Variants in GFAP observed in about 807,000 individuals in gnomAD.
The protein encoded by GFAP is glial fibrillary acidic protein, also known as intermediate filament protein.
GFAP carries 38 observed loss-of-function variants against 49.3 expected under a neutral mutation model. The ratio of observed to expected loss-of-function variants is 0.77; its 90% CI spans 0.60 to 1.01. The LOEUF is 1.01. Among genes scored for constraint, GFAP ranks in the 50% least tolerant of loss-of-function variants. The probability of loss-of-function intolerance (pLI) is 0.00; values close to 1 mark genes in which losing one functional copy is unlikely to be tolerated. For missense variants in GFAP, 463 were observed against 579.1 expected, an observed-to-expected ratio of 0.80 and a Z score of 2.06; for synonymous variants, 222 against 236.4, an observed-to-expected ratio of 0.94 and a Z score of 0.56.
chr17:44,915,398 C>T lies in GFAP; in HGVS notation c.89G>A (p.Arg30His), dbSNP rs373688797. The change falls in exon 1 of 9, where the codon CGT (arginine) becomes CAT (histidine). Residue 30 changes from arginine (R) to histidine (H), a missense_variant. By Grantham distance (29) the Arg-to-His change is conservative. Coordinates refer to ENST00000588735, the MANE Select transcript of GFAP (RefSeq NM_002055.5). The surrounding 1 kb of genome is among the most constrained non-coding windows in gnomAD (Gnocchi z 4.1). The part of the protein sequence containing the change: ...MMVGGLAPGR[R>H]LGPGTRLSLA... ...GGAGAGGCGGGTGCCAGGACCCAGACGGCGGCCAGGAGCCAGGCCCCCCAC... is the reference window on the plus strand; with the variant it reads ...GGAGAGGCGGGTGCCAGGACCCAGATGGCGGCCAGGAGCCAGGCCCCCCAC... 84 of 1,606,344 alleles carry T rather than the reference C, an allele frequency of 5.2e-5. No individual in the cohort carries two copies. Among genetic ancestry groups the T allele is most frequent in the African/African-American group, 3.9e-4 (29 of 74,944 alleles).
intron 4 of GFAP, 114 bp downstream of exon 4, chr17:44,913,155 C>T (rs1210005318): frequency 9.5e-7 from 1 of 1,051,262 alleles, no homozygotes; most frequent in Non-Finnish European, 1.5e-6. Flanking sequence ...TGGTGAAAGT[C>T]AGTCACCTGG....
In GFAP at chr17:44,913,785, C is replaced by T; in HGVS notation, c.561G>A (p.Glu187=). 2.5e-6 allele frequency: 4 copies of T among 1,614,216 alleles called. No homozygotes were observed. Among genetic ancestry groups the T allele is most frequent in the Non-Finnish European group, 2.5e-6 (3 of 1,180,018 alleles). ...CCTCCTCCAGCGACTCAATCTTCCT[C>T]TCCAGATCCAGACGGGCCAGGGTGG... The part of the protein sequence containing the change: ...DEATLARLDL[E]RKIESLEEEI... The change falls in exon 3 of 9, where the codon GAG becomes GAA. Residue 187 remains glutamate (E), a synonymous_variant. Transcript: ENST00000588735.
In GFAP at chr17:44,903,335, C is replaced by G; in HGVS notation, c.*4012G>C. 8.0e-7 allele frequency: 1 copy of G among 1,247,140 alleles called. No individual in the cohort carries two copies. The allele number at this position is 1,247,140 out of a possible 1,614,324, so 77.3% of individuals were successfully genotyped here. A position where few individuals can be genotyped will look rare whatever the true frequency, so the allele number is the denominator to read the frequency against. ...GACTCAGTTCTTGTGCAGGTTGGGCCTGGGAAAGTCCCAAGCCATCAGCTC... is the reference window on the plus strand; with the variant it reads ...GACTCAGTTCTTGTGCAGGTTGGGCGTGGGAAAGTCCCAAGCCATCAGCTC... On this transcript the variant is annotated 3_prime_UTR_variant, in exon 9 of 9. Transcript: ENST00000588735.
rs2051739578 is a variant in GFAP, at chr17:44,910,618, G to A, written c.1168C>T (p.Arg390Ter). ...CACGAGGCCCTGCTGTACTGACCTC[G>A]AATCTGCAGGTTGGAGAAGGTCTGC... ...PVQTFSNLQI[R>*]ETSLDTKSVS... The change falls in exon 7 of 9, where the codon CGA becomes TGA. Residue 390 changes from arginine (R) to a stop codon, truncating the protein, a stop_gained. Transcript: ENST00000588735. LOFTEE classifies it high-confidence loss of function. 8.9e-6 allele frequency: 14 copies of A among 1,579,558 alleles called. No individual in the cohort carries two copies. The highest frequency in any genetic ancestry group is 1.0e-5 in the Non-Finnish European group (12 of 1,162,244).
intron 7 of GFAP, chr17:44,910,403 A>G (rs2051732625): frequency 6.2e-7 from 1 of 1,600,412 alleles, no homozygotes; most frequent in Non-Finnish European, 8.5e-7. Flanking sequence ...AAGAGGGACC[A>G]GGGCCTAGCA....
rs1036170201 is a variant in GFAP, at chr17:44,907,219, G to A, written c.*128C>T. 1.1e-5 allele frequency: 9 copies of A among 856,824 alleles called. No homozygotes were observed. The highest frequency in any genetic ancestry group is 1.8e-5 in the Non-Finnish European group (9 of 506,716). 53.1% of individuals were successfully genotyped at this position (856,824 alleles called of 1,614,324 possible). On this transcript the variant is annotated 3_prime_UTR_variant, in exon 9 of 9. Coordinates refer to ENST00000588735, the MANE Select transcript of GFAP (RefSeq NM_002055.5). The stretch of plus-strand genomic sequence containing the variant: ...GCAAGCTGACCTAGGGACAGAGGAG[G>A]GAGGGGAGCAGCTGGGGTGGTGGGG...
chr17:44,913,374 G>A lies in GFAP; in HGVS notation c.675C>T (p.Asp225=), dbSNP rs146443487. Residue 225 remains aspartate, a synonymous_variant, in exon 4 of 9, where the codon GAC becomes GAT. Coordinates refer to ENST00000588735, the MANE Select transcript of GFAP (RefSeq NM_002055.5). ...LARQQVHVEL[D]VAKPDLTAAL... Reference sequence around the variant, plus strand: ...CTGCGGTGAGGTCTGGCTTGGCCACGTCAAGCTCCACATGGACCTGCTGTC... The same window carrying A: ...CTGCGGTGAGGTCTGGCTTGGCCACATCAAGCTCCACATGGACCTGCTGTC... 2.0e-4 allele frequency: 323 copies of A among 1,614,182 alleles called. 1 individual carries two copies. The African/African-American group carries it at 3.7e-3, about 18-fold the overall frequency.
chr17:44,911,215 G>T, intron 6 of GFAP, 21 bp downstream of exon 6: 1 of 1,606,018 alleles, frequency 6.2e-7, no homozygotes, highest in Non-Finnish European at 8.5e-7. Flanking sequence ...GACTTCCCCA[G>T]GGGCTGTGAT....
chr17:44,908,958 C>T (rs1180208365), intron 7 of GFAP: 1 of 151,172 alleles, frequency 6.6e-6, no homozygotes, highest in Middle Eastern at 3.4e-3. Context: ...AAAGATTAGC[C>T]AGGTGTGGTG....
intron 4 of GFAP, among the ~76,000 whole-genome samples, chr17:44,912,102 T>TTG (rs1259562525): frequency 9.0e-4 from 134 of 148,610 alleles, no homozygotes; most frequent in Middle Eastern, 3.6e-3. Context: ...CCTGGGTGTT[T>TTG]TGTGTGTTTT....
In GFAP at chr17:44,907,011, G is replaced by A. The variant is rs554420737; in HGVS notation, c.*336C>T. The A allele has an allele frequency of 2.8e-5, 12 of 428,160 alleles. No individual in the cohort carries two copies. The highest frequency in any genetic ancestry group is 2.4e-4 in the African/African-American group (12 of 50,132). The allele number at this position is 428,160 out of a possible 1,614,324, so 26.5% of individuals were successfully genotyped here. On this transcript the variant is annotated 3_prime_UTR_variant, in exon 9 of 9. Coordinates refer to ENST00000588735, the MANE Select transcript of GFAP (RefSeq NM_002055.5). ...CCATAACAACAGGAATCAGGGATGT[G>A]GAGGGCGATGTAGTAGGTGCCCCCC...
rs762881584 is a variant in GFAP, at chr17:44,913,807, G to T, written c.539C>A (p.Thr180Asn). Residue 180 changes from threonine (T) to asparagine (N), a missense_variant, in exon 3 of 9, where the codon ACC becomes AAC. Physicochemically the swap from Thr to Asn is moderately conservative, Grantham distance 65. Coordinates refer to ENST00000588735, the MANE Select transcript of GFAP (RefSeq NM_002055.5). The stretch of plus-strand genomic sequence containing the variant: ...CCTCTCCAGATCCAGACGGGCCAGG[G>T]TGGCTTCATCTGCTTCCTGGAGTGG... ...AAYRQEADEA[T>N]LARLDLERKI... 3.1e-6 allele frequency: 5 copies of T among 1,613,956 alleles called. No homozygotes were observed. The Admixed American group carries it at 8.3e-5, about 27-fold the overall frequency.
chr17:44,910,354 C>G, intron 7 of GFAP: 5 of 1,611,340 alleles, frequency 3.1e-6, no homozygotes, highest in Non-Finnish European at 4.2e-6. Context: ...ATGTCAAGCT[C>G]TCACCCAGTT....
At position 44,905,102 on chromosome 17, in the gene GFAP, C is replaced by A; in HGVS notation, c.*2245G>T. Reference sequence around the variant, plus strand: ...CTCTTCAGCTCTGAAGACCAGTTGTCCTTCAATGTGTTTGTTAAATGATAC... The same window carrying A: ...CTCTTCAGCTCTGAAGACCAGTTGTACTTCAATGTGTTTGTTAAATGATAC... On this transcript the variant is annotated 3_prime_UTR_variant, in exon 9 of 9. Transcript: ENST00000588735. 1 of 1,469,670 alleles carries A rather than the reference C, an allele frequency of 6.8e-7. No individual in the cohort carries two copies. The highest frequency in any genetic ancestry group is 1.3e-5 in the South Asian group (1 of 74,914). The allele number at this position is 1,469,670 out of a possible 1,614,324, so 91.0% of individuals were successfully genotyped here.
In GFAP at chr17:44,904,633, G is replaced by T. The variant is rs1567767755; in HGVS notation, c.*2714C>A. On this transcript the variant is annotated 3_prime_UTR_variant, in exon 9 of 9. Transcript: ENST00000588735. Reference sequence around the variant, plus strand: ...TGTCCAAAGTGGGCAGCCGGCCCTGGGTGCCCCAGGTGCCCATTCAGTTCC... The same window carrying T: ...TGTCCAAAGTGGGCAGCCGGCCCTGTGTGCCCCAGGTGCCCATTCAGTTCC... The T allele has an allele frequency of 6.4e-7, 1 of 1,550,512 alleles. No individual in the cohort carries two copies. The highest frequency in any genetic ancestry group is 8.7e-7 in the Non-Finnish European group (1 of 1,146,998).
chr17:44,911,333 G>A lies in GFAP; in HGVS notation c.1030C>T (p.Arg344Cys), dbSNP rs1295139112. The change falls in exon 6 of 9, where the codon CGC becomes TGC. Residue 344 changes from arginine to cysteine, a missense_variant. Arg to Cys is a radical substitution (Grantham distance 180, BLOSUM62 -3). Around this residue, in one of 3 missense-constraint regions of GFAP, gnomAD observed 362 missense variants for 445.5 expected, o/e 0.81. Coordinates refer to ENST00000588735, the MANE Select transcript of GFAP (RefSeq NM_002055.5). Reference sequence around the variant, plus strand: ...AGGTCCTGGTACTCCTGCAAGTGGCGGGCCATCTCGTCCTTGAGGCTCTGC... The same window carrying A: ...AGGTCCTGGTACTCCTGCAAGTGGCAGGCCATCTCGTCCTTGAGGCTCTGC... ...EGQSLKDEMA[R>C]HLQEYQDLLN... 1.2e-6 allele frequency: 2 copies of A among 1,614,178 alleles called. No homozygotes were observed. Among genetic ancestry groups the A allele is most frequent in the East Asian group, 2.2e-5 (1 of 44,886 alleles).
In GFAP at chr17:44,903,360, CA is replaced by C. The variant is rs2051594355; in HGVS notation, c.*3986del. ...CTGGGAAAGTCCCAAGCCATCAGCTCAGGTCCAGCCAGCCTCCCGGATGGCC... is the reference window on the plus strand; with the variant it reads ...CTGGGAAAGTCCCAAGCCATCAGCTCGGTCCAGCCAGCCTCCCGGATGGCC... On this transcript the variant is annotated 3_prime_UTR_variant, in exon 9 of 9. Transcript: ENST00000588735. 8.0e-7 allele frequency: 1 copy of C among 1,249,184 alleles called. No individual in the cohort carries two copies. Among genetic ancestry groups the C allele is most frequent in the Admixed American group, 3.8e-5 (1 of 26,530 alleles). 77.4% of individuals were successfully genotyped at this position (1,249,184 alleles called of 1,614,324 possible).
Position 44,915,286 on chromosome 17 carries a change from G to A in GFAP, c.201C>T (p.Ala67=), listed in dbSNP as rs751448421. 6 of 1,614,024 alleles carry A rather than the reference G, an allele frequency of 3.7e-6. No individual in the cohort carries two copies. The highest frequency in any genetic ancestry group is 4.2e-6 in the Non-Finnish European group (5 of 1,180,054). ...ALNAGFKETR[A]SERAEMMELN... is the part of the protein sequence containing the mutation. ...GCTCCATCATCTCTGCCCGCTCACT[G>A]GCCCGGGTCTCCTTGAAGCCAGCAT... Residue 67 remains alanine (A), a synonymous_variant, in exon 1 of 9, where the codon GCC becomes GCT. Transcript: ENST00000588735. The surrounding 1 kb of genome is among the most constrained non-coding windows in gnomAD (Gnocchi z 4.1).
chr17:44,913,522 C>G, intron 3 of GFAP, 92 bp from the exon 4 acceptor site: 1 of 1,385,134 alleles, frequency 7.2e-7, no homozygotes, highest in Non-Finnish European at 1.0e-6. Flanking sequence ...GCCTGCCCCT[C>G]GGCCAGGAGT....
Sources: allele counts gnomAD v4.1 joint callset (sites outside exome capture counted in the v4.1 genomes callset), GRCh38; gene constraint gnomAD v4.1.1; regional missense constraint gnomAD v4.1.1; non-coding constraint Gnocchi (gnomAD v3.1); transcripts MANE v1.5; gene names NCBI Gene and HGNC (gene_info 2026-07-23, HGNC 2026-07-21).